The following TENM1 variants were observed in gnomAD, a reference collection of about 807,000 sequenced individuals.
TENM1 encodes teneurin-1.
In TENM1, 35 loss-of-function variants were observed where a neutral mutation model predicts 174.8. That is an observed-to-expected ratio of 0.20 (90% CI 0.15 to 0.27). The LOEUF is 0.27. Ranked by LOEUF, TENM1 falls within the 10% of genes least tolerant of loss-of-function variation. TENM1 has a pLI of 1.00. For missense variants in TENM1, 1,633 were observed against 2,130.1 expected (o/e 0.77, Z 4.59); for synonymous variants, 781 against 798.7 (o/e 0.98, Z 0.37).
chrX:124,726,949 T>C (rs2053454799), intron 4 of TENM1, among the ~76,000 whole-genome samples: 1 of 112,219 alleles, frequency 8.9e-6, no homozygotes, highest in African/African-American at 3.2e-5. Context: ...GTAATACACA[T>C]TGGTCATATA....
chrX:125,053,866 G>C, the TENM1 span, among the ~76,000 whole-genome samples: 2 of 111,256 alleles, frequency 1.8e-5, no homozygotes, highest in East Asian at 5.7e-4. Context: ...AGTTCTTGAA[G>C]ACAGTAAATA....
chrX:124,722,978 A>G (rs1349569593), intron 4 of TENM1, among the ~76,000 whole-genome samples: 1 of 110,620 alleles, frequency 9.0e-6, no homozygotes, highest in Admixed American at 9.7e-5. Flanking sequence ...ATTTCTATAT[A>G]CTTTATCATT....
At chrX:124,530,096 A>C (rs2048071921) in intron 15 of TENM1, 113 bp from the exon 19 acceptor site, 1 of 873,883 alleles carries the variant, frequency 1.1e-6, no homozygotes, top group Non-Finnish European at 1.6e-6. Context: ...CAATAATTTC[A>C]CCAACCAGTA....
At chrX:125,003,422 C>G in the TENM1 span, among the ~76,000 whole-genome samples, 1 of 111,602 alleles carries the variant, frequency 9.0e-6, no homozygotes, top group South Asian at 3.8e-4. Flanking sequence ...TCAATTTCCA[C>G]CGGTATAGAA....
chrX:124,439,051 C>T (rs754201606), intron 23 of TENM1, among the ~76,000 whole-genome samples: 18 of 111,098 alleles, frequency 1.6e-4, no homozygotes, highest in Non-Finnish European at 3.0e-4. Context: ...AAACAGAAGT[C>T]ATTAGTTAGA....
At chrX:125,182,844 A>G in the TENM1 span, among the ~76,000 whole-genome samples, 1 of 112,057 alleles carries the variant, frequency 8.9e-6, no homozygotes, top group Admixed American at 9.5e-5. Flanking sequence ...TTTGTAACTT[A>G]GTTCAGAGCT....
At chrX:124,577,846 C>T (rs1189850113) in intron 11 of TENM1, among the ~76,000 whole-genome samples, 1 of 111,896 alleles carries the variant, frequency 8.9e-6, no homozygotes, top group African/African-American at 3.3e-5. Flanking sequence ...CCTGGCTAAG[C>T]CACCGGCACC....
the TENM1 span, among the ~76,000 whole-genome samples, chrX:125,154,647 G>A: frequency 3.6e-5 from 4 of 111,375 alleles, no homozygotes; most frequent in African/African-American, 1.3e-4. Flanking sequence ...CAAGAATGAA[G>A]CCACGGACCC....
intron 4 of TENM1, among the ~76,000 whole-genome samples, chrX:124,712,771 C>T (rs34686557): frequency 0.11 from 11,874 of 111,380 alleles, 674 homozygotes; most frequent in East Asian, 0.46. Flanking sequence ...CGTGAGACAC[C>T]GCACCCGCCC....
At chrX:124,554,039 G>A (rs1163331463) in intron 14 of TENM1, among the ~76,000 whole-genome samples, 1 of 111,443 alleles carries the variant, frequency 9.0e-6, no homozygotes, top group African/African-American at 3.3e-5. Context: ...AAACCAGGAG[G>A]TGGAGGTTGC....
the TENM1 span, among the ~76,000 whole-genome samples, chrX:125,072,145 G>A: frequency 3.6e-5 from 4 of 110,738 alleles, no homozygotes; most frequent in South Asian, 1.5e-3. Context: ...AACTAGCTCT[G>A]CATTATTTAA....
At chrX:124,791,486 C>G (rs1256702588) in intron 3 of TENM1, among the ~76,000 whole-genome samples, 4 of 111,925 alleles carry the variant, frequency 3.6e-5, no homozygotes, top group African/African-American at 6.5e-5. Context: ...TTAATTGTCT[C>G]CCATTCTTTT....
At chrX:124,636,714 C>T (rs778232656) in intron 11 of TENM1, among the ~76,000 whole-genome samples, 4 of 111,963 alleles carry the variant, frequency 3.6e-5, no homozygotes, top group Non-Finnish European at 7.5e-5. Context: ...TTTCTTCTGG[C>T]AGGTTTGCAA....
intron 3 of TENM1, among the ~76,000 whole-genome samples, chrX:124,889,271 T>C (rs1174623632): frequency 9.0e-6 from 1 of 111,440 alleles, no homozygotes; most frequent in Non-Finnish European, 1.9e-5. Context: ...TCATTGTAGC[T>C]GATGAGACCA....
rs1388512279 is a variant in TENM1, at chrX:124,571,681, T to C, written c.2078-6121A>G. ...AATTAGAGACTGCTATTAACAACTT[T>C]ATGCAAGTAAGTCTGAAACCTTAGA... On this transcript the variant is annotated intron_variant, in intron 11 of 31. Transcript: ENST00000422452. 3.6e-5 allele frequency among the ~76,000 whole-genome samples: 4 copies of C among 111,987 alleles called. No individual in the cohort carries two copies. The Admixed American group carries it at 3.8e-4, about 11-fold the overall frequency.
At chrX:124,816,749 A>C (rs2055904634) in intron 3 of TENM1, among the ~76,000 whole-genome samples, 1 of 111,526 alleles carries the variant, frequency 9.0e-6, no homozygotes, top group Admixed American at 9.5e-5. Context: ...ATTTTCTACA[A>C]ATGGAACAAA....
At chrX:124,674,303 C>CA (rs745969451) in intron 5 of TENM1, among the ~76,000 whole-genome samples, 3,004 of 16,615 alleles carry the variant, frequency 0.18, 582 homozygotes, top group South Asian at 0.24. Flanking sequence ...TATCAAAAGG[C>CA]AAAAAAAAAA....
chrX:124,868,786 A>G (rs1046943956), intron 3 of TENM1, among the ~76,000 whole-genome samples: 1 of 111,889 alleles, frequency 8.9e-6, no homozygotes, highest in African/African-American at 3.3e-5. Flanking sequence ...CTCTATAAGA[A>G]AAAACCTAAT....
At chrX:124,973,739 T>C in the TENM1 span, among the ~76,000 whole-genome samples, 468 of 111,974 alleles carry the variant, frequency 4.2e-3, 1 homozygote, top group African/African-American at 0.014. Context: ...TTTTTGCACA[T>C]TGATTTTGTA....
Sources: gnomAD v4.1 joint callset for allele counts (sites outside exome capture counted in the v4.1 genomes callset) on GRCh38, gnomAD v4.1.1 for gene constraint, MANE v1.5 for transcripts, NCBI Gene and HGNC (gene_info 2026-07-23, HGNC 2026-07-21) for gene names.